Variants in POLR2B observed in about 807,000 individuals in gnomAD.
POLR2B encodes RNA polymerase II subunit B, also known as DNA-directed RNA polymerase II subunit RPB2.
In POLR2B, 57 loss-of-function variants were observed where a neutral mutation model predicts 144.6. The observed-to-expected ratio is 0.39, with a 90% CI of 0.32 to 0.49. POLR2B has a LOEUF of 0.49. POLR2B is among the 20% of genes least tolerant of loss of function. POLR2B has a pLI of 0.83. For synonymous variants in POLR2B, 442 were observed against 469.8 expected (o/e 0.94, Z 0.77); for missense variants, 595 against 1,467.4 (o/e 0.41, Z 9.71).
chr4:57,001,828 A>AT (rs1560476701), intron 7 of POLR2B, among the ~76,000 whole-genome samples: 2 of 152,208 alleles, frequency 1.3e-5, no homozygotes, highest in Non-Finnish European at 2.9e-5. Context: ...TGAACAGTAA[A>AT]TGATATTCTT....
rs1723408800 is a variant in POLR2B, at chr4:57,017,497, C to T, written c.2155-63C>T. 1.5e-6 allele frequency: 2 copies of T among 1,303,522 alleles called. No homozygotes were observed. Among genetic ancestry groups the T allele is most frequent in the East Asian group, 4.7e-5 (2 of 42,646 alleles). 80.7% of individuals were successfully genotyped at this position (1,303,522 alleles called of 1,614,324 possible). On this transcript the variant is annotated intron_variant, in intron 15 of 24. Coordinates refer to ENST00000314595, the MANE Select transcript of POLR2B (RefSeq NM_000938.3). This position sits in a 1 kb window ranked among gnomAD's most constrained non-coding sequence, Gnocchi z 4.8. ...AATCATATTTCTTTTGATTTATTGT[C>T]AGAGTCTTTTCCATTAGTGATAGTA...
chr4:57,026,472 A>G (rs563703589), intron 23 of POLR2B, among the ~76,000 whole-genome samples: 1 of 152,180 alleles, frequency 6.6e-6, no homozygotes, highest in African/African-American at 2.4e-5. Flanking sequence ...AAATGTCTTG[A>G]TCCCGGGAAC....
At chr4:56,999,542 A>G in intron 6 of POLR2B, 75 bp from the exon 7 acceptor site, 2 of 924,270 alleles carry the variant, frequency 2.2e-6, no homozygotes, top group Non-Finnish European at 3.3e-6. Flanking sequence ...ATATATATTA[A>G]ATAGTTCTCT....
chr4:57,012,216 C>G (rs895542842), intron 13 of POLR2B, among the ~76,000 whole-genome samples: 1 of 151,970 alleles, frequency 6.6e-6, no homozygotes, highest in African/African-American at 2.4e-5. Flanking sequence ...ACCAGCCTGG[C>G]CAACATGGCA....
intron 7 of POLR2B, among the ~76,000 whole-genome samples, chr4:57,004,509 G>A (rs1722959605): frequency 6.6e-6 from 1 of 152,124 alleles, no homozygotes; most frequent in African/African-American, 2.4e-5. Context: ...TAGGATTATA[G>A]GAGTAAGCCC....
intron 3 of POLR2B, 74 bp from the exon 4 acceptor site, chr4:56,994,330 A>G (rs1722613109): frequency 1.3e-6 from 1 of 752,904 alleles, no homozygotes; most frequent in African/African-American, 1.8e-5. Flanking sequence ...TGTTAATGTC[A>G]ATTAAAATGG....
At chr4:57,020,119 T>G (rs779930851) in intron 16 of POLR2B, among the ~76,000 whole-genome samples, 7 of 152,184 alleles carry the variant, frequency 4.6e-5, no homozygotes, top group Non-Finnish European at 1.0e-4. Context: ...CTGCAACCTC[T>G]GCCTCCTGGG....
rs757386678 is a variant in POLR2B, at chr4:57,017,113, G to A, written c.2026G>A (p.Ala676Thr). 6 of 1,612,484 alleles carry A rather than the reference G, an allele frequency of 3.7e-6. No individual in the cohort carries two copies. The highest frequency in any genetic ancestry group is 1.7e-6 in the Non-Finnish European group (2 of 1,179,080). The change falls in exon 15 of 25, where the codon GCA (alanine) becomes ACA (threonine). Residue 676 changes from alanine to threonine, a missense_variant. Physicochemically the swap from Ala to Thr is moderately conservative, Grantham distance 58. Coordinates refer to ENST00000314595, the MANE Select transcript of POLR2B (RefSeq NM_000938.3). The surrounding 1 kb of genome is among the most constrained non-coding windows in gnomAD (Gnocchi z 4.8). ...DTLEEETVML[A>T]MTPDDLQEKE... The stretch of plus-strand genomic sequence containing the variant: ...CCTGGAAGAAGAAACAGTGATGCTT[G>A]CAATGACTCCAGATGATTTACAGGA...
At chr4:57,005,169 TA>T in intron 7 of POLR2B, 76 bp from the exon 8 acceptor site, 1 of 823,180 alleles carries the variant, frequency 1.2e-6, no homozygotes, top group Non-Finnish European at 1.8e-6. Context: ...TGGCATGTTA[TA>T]AACTAAGTGA....
intron 3 of POLR2B, among the ~76,000 whole-genome samples, chr4:56,992,857 T>C (rs1008251214): frequency 7.2e-5 from 11 of 152,064 alleles, no homozygotes; most frequent in African/African-American, 2.7e-4. Context: ...CTATTTTTAA[T>C]AGGCATTAGG....
At chr4:57,015,754 A>T (rs1034985894) in intron 14 of POLR2B, 98 bp downstream of exon 14, 10 of 379,492 alleles carry the variant, frequency 2.6e-5, no homozygotes, top group East Asian at 5.4e-5. Context: ...ATTTTTATTT[A>T]ATTTTATTTA....
intron 3 of POLR2B, among the ~76,000 whole-genome samples, chr4:56,994,007 G>A (rs1412835952): frequency 6.6e-6 from 1 of 152,174 alleles, no homozygotes; most frequent in Non-Finnish European, 1.5e-5. Context: ...AGCACATGAT[G>A]TGTACAGTCT....
intron 1 of POLR2B, among the ~76,000 whole-genome samples, chr4:56,983,313 T>C (rs1446591556): frequency 6.6e-6 from 1 of 151,870 alleles, no homozygotes; most frequent in Non-Finnish European, 1.5e-5. Context: ...ACTCCTACCT[T>C]TGTCCCTTCC....
Position 57,015,548 on chromosome 4 carries a change from C to T in POLR2B, c.1847C>T (p.Thr616Met), listed in dbSNP as rs1287672402. 4 of 1,484,546 alleles carry T rather than the reference C, an allele frequency of 2.7e-6. No homozygotes were observed. The highest frequency in any genetic ancestry group is 2.4e-5 in the East Asian group (1 of 41,348). The allele number at this position is 1,484,546 out of a possible 1,614,324, so 92.0% of individuals were successfully genotyped here. A position where few individuals can be genotyped will look rare whatever the true frequency, so the allele number is the denominator to read the frequency against. The change falls in exon 14 of 25, where the codon ACG becomes ATG. Residue 616 changes from threonine (T) to methionine (M), a missense_variant. Physicochemically the swap from Thr to Met is moderately conservative, Grantham distance 81. Coordinates refer to ENST00000314595, the MANE Select transcript of POLR2B (RefSeq NM_000938.3). ...DIREREIRIY[T>M]DAGRICRPLL... Reference sequence around the variant, plus strand: ...CGAGAGAGGGAGATTCGGATCTATACGGATGCAGGCCGTATTTGTAGACCA... The same window carrying T: ...CGAGAGAGGGAGATTCGGATCTATATGGATGCAGGCCGTATTTGTAGACCA...
At chr4:56,980,965 C>T (rs1722139755) in intron 1 of POLR2B, among the ~76,000 whole-genome samples, 1 of 151,926 alleles carries the variant, frequency 6.6e-6, no homozygotes. Flanking sequence ...CCACCGTGCC[C>T]AGCTAATTTT....
At chr4:56,994,928 A>T (rs1268413422) in intron 5 of POLR2B, 62 bp downstream of exon 5, 2 of 866,244 alleles carry the variant, frequency 2.3e-6, no homozygotes, top group Admixed American at 3.1e-5. Flanking sequence ...TAAAGTTGAA[A>T]TGAAAAAAAA....
rs925913946 is a variant in POLR2B, at chr4:57,023,300, A to T, written c.2516-30A>T. On this transcript the variant is annotated intron_variant, in intron 18 of 24. Transcript: ENST00000314595. This position sits in a 1 kb window ranked among gnomAD's most constrained non-coding sequence, Gnocchi z 4.3. ...TGGTTTTTAATCTTTGTTGGGGATT[A>T]TGTGACATTCCGTGTCTATTTCCTC... 6.2e-7 allele frequency: 1 copy of T among 1,611,112 alleles called. No individual in the cohort carries two copies. Among genetic ancestry groups the T allele is most frequent in the Non-Finnish European group, 8.5e-7 (1 of 1,177,974 alleles).
chr4:57,030,808 T>C (rs1020638257), intron 24 of POLR2B, 91 bp from the exon 25 acceptor site: 5 of 748,056 alleles, frequency 6.7e-6, no homozygotes, highest in Admixed American at 2.0e-5. Flanking sequence ...ATTCATTATC[T>C]ACAGTACCAG....
intron 23 of POLR2B, among the ~76,000 whole-genome samples, chr4:57,028,444 A>AT (rs1009550976): frequency 6.6e-5 from 10 of 152,224 alleles, no homozygotes; most frequent in African/African-American, 2.4e-4. Flanking sequence ...GAGGACTTTC[A>AT]TTTTTTTAAA....
Sources: allele counts gnomAD v4.1 joint callset (sites outside exome capture counted in the v4.1 genomes callset), GRCh38; gene constraint gnomAD v4.1.1; non-coding constraint Gnocchi (gnomAD v3.1); transcripts MANE v1.5; gene names NCBI Gene and HGNC (gene_info 2026-07-23, HGNC 2026-07-21).